POLE: variants seen among roughly 807,000 people sequenced by gnomAD.
POLE encodes the protein DNA polymerase epsilon catalytic subunit A.
POLE carries 188 observed loss-of-function variants against 279.2 expected under a neutral mutation model. The observed-to-expected ratio is 0.67, with a 90% CI of 0.60 to 0.76. The LOEUF is 0.76. POLE is among the 30% of genes least tolerant of loss of function. The pLI, the probability that POLE is intolerant of heterozygous loss-of-function variation, is 0.00. For missense variants in POLE, 2,703 were observed against 3,016.7 expected, an observed-to-expected ratio of 0.90 and a Z score of 2.44; for synonymous variants, 1,214 against 1,172.5, an observed-to-expected ratio of 1.04 and a Z score of -0.72.
intron 16 of POLE, among the ~76,000 whole-genome samples, chr12:132,669,330 C>T (rs1428288197): frequency 6.6e-6 from 1 of 151,808 alleles, no homozygotes; most frequent in African/African-American, 2.4e-5. Flanking sequence ...CCGTGTGTGG[C>T]GGTGGCACCT....
At chr12:132,681,853 G>A (rs543722031) in intron 1 of POLE, among the ~76,000 whole-genome samples, 51 of 152,310 alleles carry the variant, frequency 3.3e-4, no homozygotes, top group African/African-American at 1.2e-3. Flanking sequence ...GGTGGCTCAT[G>A]AGAGTGCATG....
At chr12:132,679,677 T>C (rs2043127141) in intron 5 of POLE, 26 bp from the exon 6 acceptor site, 7 of 1,597,518 alleles carry the variant, frequency 4.4e-6, no homozygotes, top group Non-Finnish European at 6.0e-6. Context: ...ATCACGCTCA[T>C]TGGTTCAAGA....
At chr12:132,660,907 G>A (rs2138687296) in intron 25 of POLE, 62 bp downstream of exon 25, 5 of 1,391,324 alleles carry the variant, frequency 3.6e-6, no homozygotes, top group Admixed American at 2.3e-5. Flanking sequence ...GAAGCACGGG[G>A]TCCCCTTCTT....
rs1174471791 is a variant in POLE at position 132,634,240 on chromosome 12, G to A, written c.5950C>T (p.Gln1984Ter). ...CAGGAGGCTGCCTGTGGCAAAAACT[G>A]CAAAATGTTCCAGTTGTTTTCCAGT... ...DLLENNWNIL[Q>*]FLPQAASCQN... Residue 1984 changes from glutamine (Q) to a stop codon, truncating the protein, a stop_gained, in exon 43 of 49, where the codon CAG (glutamine) becomes TAG (stop). Coordinates refer to ENST00000320574, the MANE Select transcript of POLE (RefSeq NM_006231.4). LOFTEE classifies it high-confidence loss of function. This position sits in a 1 kb window ranked among gnomAD's most constrained non-coding sequence, Gnocchi z 4.0. 2 of 1,614,142 alleles carry A rather than the reference G, an allele frequency of 1.2e-6. No homozygotes were observed. Among genetic ancestry groups the A allele is most frequent in the East Asian group, 4.5e-5 (2 of 44,880 alleles).
rs771628123 is a variant in POLE at position 132,632,732 on chromosome 12, G to T, written c.6068C>A (p.Thr2023Asn). 9 of 1,613,464 alleles carry T rather than the reference G, an allele frequency of 5.6e-6. No homozygotes were observed. The Admixed American group carries it at 6.7e-5, about 12-fold the overall frequency. Reference protein sequence around the residue: ...DGLRRSAPGSTPVRRRGASQL... With the variant: ...DGLRRSAPGSNPVRRRGASQL... ...GCTGGCCCCCCTCCTCCTCACGGGG[G>T]TGCTCCCTGGAGCACTGCGCCTCAG... Residue 2023 changes from threonine to asparagine, a missense_variant, in exon 44 of 49, where the codon ACC becomes AAC. Physicochemically the swap from Thr to Asn is moderately conservative, Grantham distance 65. This residue lies in a region of POLE where 1,551 missense variants were observed against 1,686.1 expected (regional missense o/e 0.92). Transcript: ENST00000320574.
At chr12:132,674,429 C>A (rs1192707872) in intron 12 of POLE, among the ~76,000 whole-genome samples, 1 of 151,954 alleles carries the variant, frequency 6.6e-6, no homozygotes, top group African/African-American at 2.4e-5. Flanking sequence ...CCAAACCAAG[C>A]CTCATGGTGG....
intron 16 of POLE, among the ~76,000 whole-genome samples, chr12:132,669,685 C>T (rs1041667642): frequency 3.3e-5 from 5 of 152,142 alleles, no homozygotes; most frequent in East Asian, 1.9e-4. Context: ...CCAGTAACGG[C>T]GTGTTCTGAA....
In POLE at chr12:132,649,498, C is replaced by T. The variant is rs1274554341; in HGVS notation, c.3813G>A (p.Trp1271Ter). Reference sequence around the variant, plus strand: ...GCCACTTCTTCTTGTGGAACCGGAGCCAGACAAGCCATTCCTCCTGGGATG... The same window carrying T: ...GCCACTTCTTCTTGTGGAACCGGAGTCAGACAAGCCATTCCTCCTGGGATG... ...LGTSQEEWLVWLRFHKKKWQL... is the reference protein window; with the variant it reads ...LGTSQEEWLV The change falls in exon 31 of 49, where the codon TGG becomes TGA. Residue 1271 changes from tryptophan to a stop codon, truncating the protein, a stop_gained. Transcript: ENST00000320574. LOFTEE classifies it high-confidence loss of function. The T allele has an allele frequency of 6.2e-7, 1 of 1,612,226 alleles. No homozygotes were observed. The highest frequency in any genetic ancestry group is 1.3e-5 in the African/African-American group (1 of 75,038).
chr12:132,646,906 C>A (rs1266901989), intron 32 of POLE, among the ~76,000 whole-genome samples: 1 of 152,024 alleles, frequency 6.6e-6, no homozygotes, highest in African/African-American at 2.4e-5. Context: ...GCCACGTTGC[C>A]CAGGCTGGTC....
Position 132,667,484 on chromosome 12 carries a change from G to A in POLE, c.2319+19C>T, listed in dbSNP as rs370320759. ...ACTGCCCTCACAGAGGCCAAAGCTT[G>A]CAGCCCCTCAGAGCTCACCTTGTGG... On this transcript the variant is annotated intron_variant, in intron 20 of 48. Transcript: ENST00000320574. The A allele has an allele frequency of 1.9e-5, 30 of 1,612,584 alleles. No individual in the cohort carries two copies. Among genetic ancestry groups the A allele is most frequent in the Non-Finnish European group, 2.5e-5 (30 of 1,178,812 alleles).
Position 132,626,116 on chromosome 12 carries a change from CCT to C in POLE, c.6530_6531del (p.Glu2177GlyfsTer126). 6.3e-7 allele frequency: 1 copy of C among 1,593,646 alleles called. No homozygotes were observed. On this transcript the variant is annotated frameshift_variant and splice_region_variant, in exon 46 of 49. Transcript: ENST00000320574. LOFTEE classifies it high-confidence loss of function. Reference sequence around the variant, plus strand: ...AAGGGCCCGCTGGAGCTCAGCCGCACCTCTGAGAAGGAAGAGTCTTTACACAG... The same window carrying C: ...AAGGGCCCGCTGGAGCTCAGCCGCACCTGAGAAGGAAGAGTCTTTACACAG... Reference protein sequence around the residue: ...LDLCKDSSFSEDGAVLPQWLC... With the variant: ...LDLCKDSSFSXDGAVLPQWLC...
At chr12:132,653,330 T>C (rs548934472) in intron 29 of POLE, among the ~76,000 whole-genome samples, 1 of 152,316 alleles carries the variant, frequency 6.6e-6, no homozygotes, top group South Asian at 2.1e-4. Context: ...AGCCATGATC[T>C]TGCCACCGCA....
At chr12:132,650,279 T>A (rs1486454933) in intron 29 of POLE, 8 of 225,018 alleles carry the variant, frequency 3.6e-5, no homozygotes, top group Non-Finnish European at 6.3e-5. Context: ...TATAAGTATA[T>A]CACCTGAAAT....
intron 32 of POLE, 78 bp downstream of exon 32, chr12:132,648,851 T>G (rs2042347003): frequency 6.8e-7 from 1 of 1,464,772 alleles, no homozygotes; most frequent in Admixed American, 1.9e-5. Flanking sequence ...AGATGGAGGC[T>G]GGAGGCCAGG....
At chr12:132,656,627 G>A (rs1329437129) in intron 29 of POLE, among the ~76,000 whole-genome samples, 2 of 152,152 alleles carry the variant, frequency 1.3e-5, no homozygotes, top group Non-Finnish European at 2.9e-5. Flanking sequence ...CAAAGTGCTG[G>A]GATTACAGGT....
Position 132,639,056 on chromosome 12 carries a change from G to T in POLE, c.5552+69C>A. On this transcript the variant is annotated intron_variant, in intron 40 of 48. Coordinates refer to ENST00000320574, the MANE Select transcript of POLE (RefSeq NM_006231.4). The surrounding 1 kb of genome is among the most constrained non-coding windows in gnomAD (Gnocchi z 4.7). ...AGAGGCACTGGCTGGCCATGTCTCT[G>T]GTTCTGGGGAGTAAGGGACCAGCCC... 1 of 1,369,898 alleles carries T rather than the reference G, an allele frequency of 7.3e-7. No homozygotes were observed. Among genetic ancestry groups the T allele is most frequent in the Non-Finnish European group, 1.0e-6 (1 of 965,230 alleles). The allele number at this position is 1,369,898 out of a possible 1,614,324, so 84.9% of individuals were successfully genotyped here.
At chr12:132,625,437 C>CAA in intron 47 of POLE, 1 of 777,094 alleles carries the variant, frequency 1.3e-6, no homozygotes, top group Non-Finnish European at 2.3e-6. Flanking sequence ...GAAGCACCCA[C>CAA]AAGGCCAGCT....
Position 132,681,265 on chromosome 12 carries a change from G to A in POLE, c.77C>T (p.Thr26Ile), listed in dbSNP as rs2043162143. ...DGEASRDDGA[T>I]SSVSALKRLE... is the part of the protein sequence containing the mutation. ...GCGCTTGAGTGCCGAAACTGAGGAA[G>A]TGGCGCCATCATCCCTGAGTGAAAG... The change falls in exon 2 of 49, where the codon ACT becomes ATT. Residue 26 changes from threonine to isoleucine, a missense_variant. Transcript: ENST00000320574. The A allele has an allele frequency of 2.0e-5, 32 of 1,614,194 alleles. No individual in the cohort carries two copies. The highest frequency in any genetic ancestry group is 2.6e-5 in the Non-Finnish European group (31 of 1,180,034).
rs1555225317 is a variant in POLE, at chr12:132,657,918, G to C, written c.3328C>G (p.Leu1110Val). Residue 1110 changes from leucine (L) to valine (V), a missense_variant, in exon 27 of 49, where the codon CTC becomes GTC. Leu to Val is a conservative substitution (Grantham distance 32). Around this residue, in one of 5 missense-constraint regions of POLE, gnomAD observed 1,551 missense variants for 1,686.1 expected, o/e 0.92. Transcript: ENST00000320574. ...QAEPTVRKHF[L>V]RKWLKSSSLQ... ...GAAGAGCTCTTGAGCCATTTCCGGA[G>C]AAAGTGCTTCCTCACCGTGGGCTCT... is the stretch of plus-strand genomic sequence containing the variant. The C allele has an allele frequency of 6.2e-7, 1 of 1,614,040 alleles. No individual in the cohort carries two copies. The highest frequency in any genetic ancestry group is 1.3e-5 in the African/African-American group (1 of 74,940).
Sources: gnomAD v4.1 joint callset for allele counts (sites outside exome capture counted in the v4.1 genomes callset) on GRCh38, gnomAD v4.1.1 for gene constraint, gnomAD v4.1.1 regional missense constraint, Gnocchi (gnomAD v3.1) non-coding constraint, MANE v1.5 for transcripts, NCBI Gene and HGNC (gene_info 2026-07-23, HGNC 2026-07-21) for gene names.